Variants in BMPR1B observed in about 807,000 individuals in gnomAD.
The protein encoded by BMPR1B is bone morphogenetic protein receptor type-1B.
Under a neutral mutation model 59.1 loss-of-function variants are expected in BMPR1B, and 12 were observed. That is an observed-to-expected ratio of 0.20 (90% CI 0.13 to 0.33). BMPR1B has a LOEUF of 0.33. Ranked by LOEUF, BMPR1B falls within the 10% of genes least tolerant of loss-of-function variation. The pLI is 1.00. For missense variants in BMPR1B, 550 were observed against 610.9 expected, an observed-to-expected ratio of 0.90 and a Z score of 1.05; for synonymous variants, 237 against 207.3, an observed-to-expected ratio of 1.14 and a Z score of -1.23.
chr4:94,921,940 GA>G lies in BMPR1B; in HGVS notation c.-113+46050del, dbSNP rs561452036. Reference sequence around the variant, plus strand: ...ATAATCTTGGATTAGCAATTTTTCTGAAAAAAAAAATTCTCATTTTGTTAGC... The same window carrying G: ...ATAATCTTGGATTAGCAATTTTTCTGAAAAAAAAATTCTCATTTTGTTAGC... On this transcript the variant is annotated intron_variant, in intron 2 of 12. Transcript: ENST00000515059. 7.7e-3 allele frequency among the ~76,000 whole-genome samples: 1,152 copies of G among 149,316 alleles called. 9 individuals carry two copies. Among genetic ancestry groups the G allele is most frequent in the African/African-American group, 0.026 (1,063 of 40,748 alleles).
chr4:94,792,036 A>G (rs1446545852), intron 1 of BMPR1B, among the ~76,000 whole-genome samples: 1 of 152,142 alleles, frequency 6.6e-6, no homozygotes, highest in East Asian at 1.9e-4. Flanking sequence ...TTAAGACACT[A>G]AGCTAAGTAG....
chr4:94,833,556 T>C (rs1426134453), intron 1 of BMPR1B, among the ~76,000 whole-genome samples: 2 of 152,228 alleles, frequency 1.3e-5, no homozygotes, highest in African/African-American at 4.8e-5. Flanking sequence ...CTGATTGTTT[T>C]CTCATGCTTC....
intron 6 of BMPR1B, among the ~76,000 whole-genome samples, chr4:95,117,225 TCTG>T (rs1472427777): frequency 6.6e-6 from 1 of 152,174 alleles, no homozygotes; most frequent in Non-Finnish European, 1.5e-5. Flanking sequence ...AGCCACATAA[TCTG>T]CTAAAAAGTA....
chr4:94,778,629 C>G (rs1457587282), intron 1 of BMPR1B, among the ~76,000 whole-genome samples: 1 of 152,148 alleles, frequency 6.6e-6, no homozygotes, highest in Non-Finnish European at 1.5e-5. Flanking sequence ...AGTCCACATT[C>G]CCACCAGCAG....
Position 95,125,188 on chromosome 4 carries a change from G to A in BMPR1B, c.585+67G>A, listed in dbSNP as rs189057673. The A allele has an allele frequency of 2.6e-5, 41 of 1,589,980 alleles. 1 individual carries two copies. The highest frequency in any genetic ancestry group is 2.3e-4 in the East Asian group (10 of 44,142). ...TGAAAGAACTGTCAATGAATATGGG[G>A]TTTCACTTACTGAAATAGGGCACTG... On this transcript the variant is annotated intron_variant, in intron 8 of 12. Coordinates refer to ENST00000515059, the MANE Select transcript of BMPR1B (RefSeq NM_001203.3).
chr4:94,930,739 T>G (rs1217496551), intron 2 of BMPR1B, among the ~76,000 whole-genome samples: 1 of 152,148 alleles, frequency 6.6e-6, no homozygotes, highest in Non-Finnish European at 1.5e-5. Context: ...ATTAAAACTC[T>G]TGTTTTCAAG....
intron 2 of BMPR1B, among the ~76,000 whole-genome samples, chr4:94,965,012 C>G (rs1730503386): frequency 6.6e-6 from 1 of 152,076 alleles, no homozygotes; most frequent in African/African-American, 2.4e-5. Context: ...AAATCTTCTG[C>G]TATACCTCTG....
At chr4:94,767,347 G>C (rs1407572621) in intron 1 of BMPR1B, among the ~76,000 whole-genome samples, 2 of 152,016 alleles carry the variant, frequency 1.3e-5, no homozygotes, top group African/African-American at 4.8e-5. Context: ...ATTTTATCTT[G>C]TCTTATAATT....
chr4:95,037,191 C>T (rs1036516136), intron 3 of BMPR1B, among the ~76,000 whole-genome samples: 12 of 152,068 alleles, frequency 7.9e-5, no homozygotes, highest in African/African-American at 2.7e-4. Context: ...TTAGAAAATG[C>T]CCAACAAATA....
intron 1 of BMPR1B, among the ~76,000 whole-genome samples, chr4:94,846,973 T>G (rs1725360770): frequency 6.6e-6 from 1 of 152,080 alleles, no homozygotes; most frequent in African/African-American, 2.4e-5. Context: ...GTTACAAAGC[T>G]TCTGTACTGT....
At chr4:94,891,711 C>G (rs1312364814) in intron 2 of BMPR1B, among the ~76,000 whole-genome samples, 1 of 152,030 alleles carries the variant, frequency 6.6e-6, no homozygotes, top group Non-Finnish European at 1.5e-5. Context: ...ACTCCTAGAA[C>G]ATTGCAGATT....
At position 95,042,487 on chromosome 4, in the gene BMPR1B, TA is replaced by T. The variant is rs375119362; in HGVS notation, c.-18+46356del. Among the ~76,000 whole-genome samples, 18 of 152,296 alleles carry T rather than the reference TA, an allele frequency of 1.2e-4. No homozygotes were observed. The East Asian group carries it at 3.3e-3, about 28-fold the overall frequency. ...ATGTCTATAAGGTGCATGTGAAACA[TA>T]AATGAATTTCATGTTTACCCTTGGG... is the stretch of plus-strand genomic sequence containing the variant. On this transcript the variant is annotated intron_variant, in intron 3 of 12. Coordinates refer to ENST00000515059, the MANE Select transcript of BMPR1B (RefSeq NM_001203.3).
Position 95,030,729 on chromosome 4 carries a change from GACAA to G in BMPR1B, c.-18+34599_-18+34602del, listed in dbSNP as rs762928902. ...CAAGCATTCTTATACACCAATAACA[GACAA>G]ACAGAGAGCCAAATAATGAGTGAAC... On this transcript the variant is annotated intron_variant, in intron 3 of 12. Coordinates refer to ENST00000515059, the MANE Select transcript of BMPR1B (RefSeq NM_001203.3). Among the ~76,000 whole-genome samples, 9 of 152,002 alleles carry G rather than the reference GACAA, an allele frequency of 5.9e-5. No individual in the cohort carries two copies. In the East Asian group the frequency reaches 9.7e-4, roughly 16 times the overall value.
At chr4:94,934,705 C>T (rs78279752) in intron 2 of BMPR1B, among the ~76,000 whole-genome samples, 2,505 of 152,110 alleles carry the variant, frequency 0.016, 63 homozygotes, top group African/African-American at 0.058. Flanking sequence ...TGTGTGCTTT[C>T]TGTATCAACA....
intron 2 of BMPR1B, among the ~76,000 whole-genome samples, chr4:94,893,658 C>T (rs936920860): frequency 1.3e-5 from 2 of 151,834 alleles, no homozygotes; most frequent in Non-Finnish European, 2.9e-5. Context: ...TGGGTTTGTG[C>T]GTTCTATAGC....
chr4:94,982,745 C>T lies in BMPR1B; in HGVS notation c.-112-13295C>T, dbSNP rs550004148. On this transcript the variant is annotated intron_variant, in intron 2 of 12. Coordinates refer to ENST00000515059, the MANE Select transcript of BMPR1B (RefSeq NM_001203.3). The stretch of plus-strand genomic sequence containing the variant: ...CGGTGGCTCACGCCTGTAATCCCAG[C>T]ACTTTGGGAGGCTGAGGCGGGCGGA... Among the ~76,000 whole-genome samples the T allele has an allele frequency of 5.9e-5, 9 of 152,206 alleles. No homozygotes were observed. The East Asian group carries it at 1.4e-3, about 23-fold the overall frequency.
chr4:95,140,230 T>A (rs2149315084), intron 10 of BMPR1B, among the ~76,000 whole-genome samples: 1 of 152,312 alleles, frequency 6.6e-6, no homozygotes, highest in South Asian at 2.1e-4. Flanking sequence ...TTTTTCAGAT[T>A]TGCGTTTCTA....
intron 2 of BMPR1B, among the ~76,000 whole-genome samples, chr4:94,972,776 A>G (rs186762533): frequency 1.3e-5 from 2 of 152,290 alleles, no homozygotes; most frequent in East Asian, 1.9e-4. Flanking sequence ...TTCTCCATTC[A>G]TAAAATAGAG....
chr4:95,042,304 T>C (rs1725714707), intron 3 of BMPR1B, among the ~76,000 whole-genome samples: 1 of 152,212 alleles, frequency 6.6e-6, no homozygotes, highest in Non-Finnish European at 1.5e-5. Context: ...TTATTGATAA[T>C]GTACAAATTG....
Sources: allele counts gnomAD v4.1 joint callset (sites outside exome capture counted in the v4.1 genomes callset), GRCh38; gene constraint gnomAD v4.1.1; transcripts MANE v1.5; gene names NCBI Gene and HGNC (gene_info 2026-07-23, HGNC 2026-07-21).